ATP9B: variants seen among roughly 807,000 people sequenced by gnomAD.
The protein encoded by ATP9B is probable phospholipid-transporting ATPase IIB.
Under a neutral mutation model 146.1 loss-of-function variants are expected in ATP9B, and 110 were observed. The observed-to-expected ratio is 0.75, with a 90% CI of 0.65 to 0.88. The LOEUF is 0.88. Ranked by LOEUF, ATP9B falls within the 40% of genes least tolerant of loss-of-function variation. The pLI is 0.00. For synonymous variants in ATP9B, 604 were observed against 569.7 expected, an observed-to-expected ratio of 1.06 and a Z score of -0.86; for missense variants, 1,499 against 1,496.4, an observed-to-expected ratio of 1.00 and a Z score of -0.03.
intron 25 of ATP9B, among the ~76,000 whole-genome samples, chr18:79,355,951 A>G (rs12963835): frequency 0.38 from 57,777 of 152,030 alleles, 11,217 homozygotes; most frequent in Middle Eastern, 0.55. Flanking sequence ...CCTCATGGGC[A>G]CGGCACACTG....
chr18:79,354,589 A>T (rs1600306660), intron 25 of ATP9B: 2 of 147,780 alleles, frequency 1.4e-5, no homozygotes, highest in South Asian at 4.4e-4. Context: ...AAAAAAAAAA[A>T]AAAAAAACCC....
At chr18:79,312,495 C>T (rs990990471) in intron 15 of ATP9B, among the ~76,000 whole-genome samples, 84 of 152,306 alleles carry the variant, frequency 5.5e-4, no homozygotes, top group Non-Finnish European at 1.3e-4. Flanking sequence ...CCCATTGGCA[C>T]GCGGGACTCC....
At chr18:79,330,253 A>G (rs2096782990) in intron 17 of ATP9B, 149 bp downstream of exon 17, 1 of 709,930 alleles carries the variant, frequency 1.4e-6, no homozygotes, top group African/African-American at 1.8e-5. Flanking sequence ...AGACACTGGT[A>G]TCATTGGATG....
intron 26 of ATP9B, among the ~76,000 whole-genome samples, chr18:79,365,311 G>A (rs1010134656): frequency 1.3e-5 from 2 of 152,116 alleles, no homozygotes; most frequent in South Asian, 2.1e-4. Flanking sequence ...GTGAGATGCC[G>A]TGTACCCACC....
Position 79,193,181 on chromosome 18 carries a change from A to C in ATP9B, c.874-2A>C, listed in dbSNP as rs777372548. The C allele has an allele frequency of 2.5e-6, 4 of 1,593,696 alleles. No individual in the cohort carries two copies. The highest frequency in any genetic ancestry group is 3.4e-6 in the Non-Finnish European group (4 of 1,163,378). ...AATCGATTCAAATGTTCTGTATTCC[A>C]GGACCTTTTTTCTATCAGTGCTTAT... On this transcript the variant is annotated splice_acceptor_variant, in intron 8 of 29. Coordinates refer to ENST00000426216, the MANE Select transcript of ATP9B (RefSeq NM_198531.5). LOFTEE classifies it high-confidence loss of function.
At chr18:79,163,503 G>A (rs2094914665) in intron 7 of ATP9B, among the ~76,000 whole-genome samples, 1 of 152,090 alleles carries the variant, frequency 6.6e-6, no homozygotes, top group South Asian at 2.1e-4. Flanking sequence ...GTGTCAGATA[G>A]AGTCTAGAAT....
chr18:79,213,958 G>C lies in ATP9B; in HGVS notation c.1031-4G>C. 1.3e-6 allele frequency: 2 copies of C among 1,589,408 alleles called. No homozygotes were observed. Among genetic ancestry groups the C allele is most frequent in the Non-Finnish European group, 1.7e-6 (2 of 1,171,206 alleles). ...CTACAAGGACCACTTTCATGTTTTT[G>C]CAGGTACTGTAATAGGTGTTGTCAT... On this transcript the variant is annotated splice_polypyrimidine_tract_variant and splice_region_variant and intron_variant, in intron 10 of 29. Transcript: ENST00000426216.
intron 25 of ATP9B, among the ~76,000 whole-genome samples, chr18:79,358,857 G>A (rs28611192): frequency 0.062 from 8,504 of 136,754 alleles, 260 homozygotes; most frequent in East Asian, 0.093. Flanking sequence ...CTGTGTGAGG[G>A]GTGCCCTGGG....
intron 7 of ATP9B, among the ~76,000 whole-genome samples, chr18:79,164,044 G>A (rs1008572958): frequency 2.6e-5 from 4 of 151,916 alleles, no homozygotes; most frequent in Non-Finnish European, 5.9e-5. Flanking sequence ...TCAGTTTCCC[G>A]AGTAGCTGGG....
chr18:79,335,553 C>T (rs1304083658), intron 17 of ATP9B, among the ~76,000 whole-genome samples: 1 of 152,230 alleles, frequency 6.6e-6, no homozygotes, highest in Non-Finnish European at 1.5e-5. Flanking sequence ...CTTTAACACG[C>T]ACATCAGGCC....
intron 6 of ATP9B, among the ~76,000 whole-genome samples, chr18:79,152,977 C>T (rs1743370220): frequency 6.6e-6 from 1 of 152,194 alleles, no homozygotes; most frequent in Admixed American, 6.5e-5. Context: ...TTAATCCTCA[C>T]ATTTAATTTC....
At chr18:79,281,688 A>G (rs1004559993) in intron 13 of ATP9B, among the ~76,000 whole-genome samples, 2 of 152,182 alleles carry the variant, frequency 1.3e-5, no homozygotes, top group African/African-American at 4.8e-5. Flanking sequence ...ACTCAGAAGA[A>G]ACAGTTTTAG....
intron 4 of ATP9B, among the ~76,000 whole-genome samples, chr18:79,114,448 A>T (rs776327560): frequency 2.0e-5 from 3 of 152,130 alleles, no homozygotes; most frequent in Non-Finnish European, 2.9e-5. Context: ...TGGCCTGGGT[A>T]GGCTCCGTCT....
At chr18:79,195,837 A>G (rs543918273) in intron 9 of ATP9B, among the ~76,000 whole-genome samples, 1 of 152,204 alleles carries the variant, frequency 6.6e-6, no homozygotes, top group Non-Finnish European at 1.5e-5. Flanking sequence ...GAAAAGGACT[A>G]GAAGTTGATG....
intron 25 of ATP9B, among the ~76,000 whole-genome samples, chr18:79,350,640 G>A (rs755271802): frequency 2.0e-5 from 3 of 152,232 alleles, no homozygotes; most frequent in South Asian, 2.1e-4. Flanking sequence ...TCAGCTTTCC[G>A]TGAATTCCAG....
At chr18:79,102,356 TA>T (rs1555680047) in intron 2 of ATP9B, among the ~76,000 whole-genome samples, 2 of 152,210 alleles carry the variant, frequency 1.3e-5, no homozygotes, top group African/African-American at 2.4e-5. Flanking sequence ...TTTGAATATT[TA>T]AAAAAATTTT....
At chr18:79,327,645 G>A (rs1270120317) in intron 15 of ATP9B, among the ~76,000 whole-genome samples, 1 of 141,954 alleles carries the variant, frequency 7.0e-6, no homozygotes, top group African/African-American at 2.7e-5. Context: ...TCCCTGGTTA[G>A]CATGCTCTCC....
intron 19 of ATP9B, among the ~76,000 whole-genome samples, chr18:79,339,605 G>A (rs2096847307): frequency 6.6e-6 from 1 of 151,554 alleles, no homozygotes; most frequent in Non-Finnish European, 1.5e-5. Flanking sequence ...AGTAGGAGGT[G>A]TGTCATGATC....
chr18:79,142,456 G>C (rs9947475), intron 5 of ATP9B, among the ~76,000 whole-genome samples: 46,412 of 152,038 alleles, frequency 0.31, 9,089 homozygotes, highest in African/African-American at 0.57. Context: ...AAGGAAAGAA[G>C]GGTGAATTGG....
Sources: allele counts gnomAD v4.1 joint callset (sites outside exome capture counted in the v4.1 genomes callset), GRCh38; gene constraint gnomAD v4.1.1; transcripts MANE v1.5; gene names NCBI Gene and HGNC (gene_info 2026-07-23, HGNC 2026-07-21).